MAGEA11: variants seen among roughly 807,000 people sequenced by gnomAD.
MAGEA11 encodes melanoma-associated antigen 11.
MAGEA11 carries 1 observed loss-of-function variant against 8.4 expected under a neutral mutation model. That is an observed-to-expected ratio of 0.12 (90% confidence interval 0.04 to 0.57). The LOEUF is 0.57. Among genes scored for constraint, MAGEA11 ranks in the 20% least tolerant of loss-of-function variants. MAGEA11 has a pLI of 0.91. For missense variants in MAGEA11, 209 were observed against 317.3 expected, an observed-to-expected ratio of 0.66 and a Z score of 2.59; for synonymous variants, 127 against 119.3, an observed-to-expected ratio of 1.06 and a Z score of -0.42.
intron 1 of MAGEA11, among the ~76,000 whole-genome samples, chrX:149,705,398 G>A (rs1342337052): frequency 4.5e-5 from 5 of 112,096 alleles, no homozygotes; most frequent in African/African-American, 6.5e-5. Context: ...CGTCATCCAC[G>A]TAAGATGTGA....
chrX:149,709,010 G>A (rs1269056458), upstream of MAGEA11, among the ~76,000 whole-genome samples: 10 of 108,769 alleles, frequency 9.2e-5, no homozygotes, highest in South Asian at 8.1e-4. Context: ...AAAATGGCCC[G>A]GCGCAGTGGC....
At chrX:149,701,122 A>G (rs1557360978) in intron 1 of MAGEA11, among the ~76,000 whole-genome samples, 1 of 111,726 alleles carries the variant, frequency 9.0e-6, no homozygotes, top group African/African-American at 3.3e-5. Flanking sequence ...CTAGTTCCAG[A>G]TCCCTGAGGA....
upstream of MAGEA11, among the ~76,000 whole-genome samples, chrX:149,710,160 A>C (rs913905095): frequency 1.8e-5 from 2 of 112,144 alleles, no homozygotes; most frequent in African/African-American, 6.5e-5. Context: ...AATAACTATT[A>C]AGAACAGGTC....
intron 1 of MAGEA11, among the ~76,000 whole-genome samples, chrX:149,702,600 A>G (rs1298823137): frequency 9.0e-6 from 1 of 111,280 alleles, no homozygotes; most frequent in African/African-American, 3.3e-5. Context: ...TAATCAGTAT[A>G]TAGTTAGAAC....
intron 1 of MAGEA11, among the ~76,000 whole-genome samples, chrX:149,691,986 G>A (rs1258704904): frequency 8.9e-6 from 1 of 112,853 alleles, no homozygotes; most frequent in African/African-American, 3.2e-5. Flanking sequence ...TCAGCAAACA[G>A]CAATTCATGA....
At chrX:149,690,081 A>G (rs1602916936) in intron 1 of MAGEA11, among the ~76,000 whole-genome samples, 1 of 111,699 alleles carries the variant, frequency 9.0e-6, no homozygotes, top group South Asian at 3.7e-4. Context: ...ATCACCAAAC[A>G]GCACTATGGG....
At chrX:149,703,086 G>A (rs1007596702) in intron 1 of MAGEA11, among the ~76,000 whole-genome samples, 1 of 111,104 alleles carries the variant, frequency 9.0e-6, no homozygotes, top group Non-Finnish European at 1.9e-5. Flanking sequence ...GGAGAAAAGG[G>A]GCCTCAGCTT....
At chrX:149,697,993 C>T (rs1557360702) in intron 1 of MAGEA11, among the ~76,000 whole-genome samples, 1 of 112,316 alleles carries the variant, frequency 8.9e-6, no homozygotes, top group Non-Finnish European at 1.9e-5. Flanking sequence ...TTTTCTGAGT[C>T]CTCCTCAGCC....
chrX:149,690,370 C>T (rs781798835), intron 1 of MAGEA11, among the ~76,000 whole-genome samples: 3 of 112,624 alleles, frequency 2.7e-5, no homozygotes, highest in Non-Finnish European at 5.6e-5. Context: ...GTTCACAGCA[C>T]TCTCTCTGTT....
chrX:149,690,729 C>A (rs1373645540), intron 1 of MAGEA11, among the ~76,000 whole-genome samples: 1 of 111,705 alleles, frequency 9.0e-6, no homozygotes, highest in Non-Finnish European at 1.9e-5. Context: ...GCAGTTGCAC[C>A]TTCTAGGGCT....
chrX:149,713,358 G>T, intron 2 of MAGEA11, 103 bp downstream of exon 2: 1 of 518,190 alleles, frequency 1.9e-6, no homozygotes. Context: ...GTTGTGGTCT[G>T]AGGAGTGGAG....
chrX:149,715,652 C>A lies in MAGEA11; in HGVS notation c.241C>A (p.Gln81Lys). 1 of 1,208,856 alleles carries A rather than the reference C, an allele frequency of 8.3e-7. No individual in the cohort carries two copies. The highest frequency in any genetic ancestry group is 1.1e-6 in the Non-Finnish European group (1 of 893,122). Reference sequence around the variant, plus strand: ...GGAGGACAGGAGTCCCAGGAGAACCCAGAGGATCACTGGAGGAGAACAAGT... The same window carrying A: ...GGAGGACAGGAGTCCCAGGAGAACCAAGAGGATCACTGGAGGAGAACAAGT... ...NLEDRSPRRT[Q>K]RITGGEQVLW... is the part of the protein sequence containing the mutation. The change falls in exon 4 of 5, where the codon CAG becomes AAG. Residue 81 changes from glutamine to lysine, a missense_variant. Transcript: ENST00000355220.
intron 1 of MAGEA11, chrX:149,689,111 T>C: frequency 3.4e-6 from 2 of 587,121 alleles, no homozygotes; most frequent in Non-Finnish European, 5.2e-6. Context: ...TCAGAATGCC[T>C]CCCATGGTTT....
upstream of MAGEA11, among the ~76,000 whole-genome samples, chrX:149,709,673 A>G (rs2090391345): frequency 8.9e-6 from 1 of 112,499 alleles, no homozygotes; most frequent in African/African-American, 3.2e-5. Context: ...ATGAAAATAC[A>G]ATTTGACATT....
intron 1 of MAGEA11, among the ~76,000 whole-genome samples, chrX:149,694,342 A>T (rs1458226737): frequency 8.9e-6 from 1 of 112,287 alleles, no homozygotes; most frequent in East Asian, 2.8e-4. Flanking sequence ...TCATGTGCTT[A>T]TTGGGCATTT....
At chrX:149,688,765 T>G, upstream of MAGEA11, 1 of 267,103 alleles carries the variant, frequency 3.7e-6, no homozygotes, top group South Asian at 3.8e-5. Context: ...CCCCATCTCC[T>G]GTCAGGAAGG....
Position 149,699,319 on chromosome X carries a change from G to A in MAGEA11, c.9+10335G>A, listed in dbSNP as rs183790871. Among the ~76,000 whole-genome samples, 159 of 111,768 alleles carry A rather than the reference G, an allele frequency of 1.4e-3. 1 individual carries two copies. The highest frequency in any genetic ancestry group is 5.1e-3 in the African/African-American group (156 of 30,767). On this transcript the variant is annotated intron_variant, in intron 1 of 3. Coordinates refer to the MAGEA11 transcript ENST00000333104. ...AGCTCTGAAGCAAAGATTGCTTGGA[G>A]GAGGGGTCCCTTTTATGGGACTTTC...
intron 1 of MAGEA11, among the ~76,000 whole-genome samples, chrX:149,698,675 G>A (rs2090339712): frequency 9.0e-6 from 1 of 111,348 alleles, no homozygotes; most frequent in Non-Finnish European, 1.9e-5. Flanking sequence ...TCTTTGTTCT[G>A]ATTAAATGCA....
chrX:149,688,969 A>G, exon 1 of MAGEA11: 1 of 1,027,181 alleles, frequency 9.7e-7, no homozygotes, highest in East Asian at 6.1e-5. Flanking sequence ...ACAGGCTAGG[A>G]ATACCAATGA....
Sources: gnomAD v4.1 joint callset for allele counts (sites outside exome capture counted in the v4.1 genomes callset) on GRCh38, gnomAD v4.1.1 for gene constraint, MANE v1.5 for transcripts, NCBI Gene and HGNC (gene_info 2026-07-23, HGNC 2026-07-21) for gene names.